ACTN1: variants seen among roughly 807,000 people sequenced by gnomAD.
The protein encoded by ACTN1 is alpha-actinin-1.
Under a neutral mutation model 119.6 loss-of-function variants are expected in ACTN1, and 30 were observed. The observed-to-expected ratio is 0.25, with a 90% confidence interval of 0.19 to 0.34. The LOEUF is 0.34. Among genes scored for constraint, ACTN1 ranks in the 10% least tolerant of loss-of-function variants. The pLI, the probability that ACTN1 is intolerant of heterozygous loss-of-function variation, is 1.00. For synonymous variants in ACTN1, 429 were observed against 472.6 expected (o/e 0.91, Z 1.20); for missense variants, 764 against 1,223.4 (o/e 0.62, Z 5.60).
chr14:68,880,748 C>T lies in ACTN1; in HGVS notation c.2133+62G>A. The T allele has an allele frequency of 6.4e-7, 1 of 1,560,008 alleles. No homozygotes were observed. On this transcript the variant is annotated intron_variant, in intron 17 of 21. Coordinates refer to ENST00000394419, the MANE Select transcript of ACTN1 (RefSeq NM_001130004.2). This position sits in a 1 kb window ranked among gnomAD's most constrained non-coding sequence, Gnocchi z 4.6. The stretch of plus-strand genomic sequence containing the variant: ...CCTGTTCCCTTGGAGACTTCCCCAC[C>T]CAGGAGAAAGAGCAGAAGGGGCCAC...
chr14:68,892,013 C>A, intron 10 of ACTN1, 40 bp downstream of exon 10: 1 of 1,605,690 alleles, frequency 6.2e-7, no homozygotes, highest in East Asian at 2.2e-5. Context: ...GAGGTGGAGG[C>A]AGTCCAGTCT....
intron 1 of ACTN1, among the ~76,000 whole-genome samples, chr14:68,963,656 G>A (rs2140628282): frequency 6.6e-6 from 1 of 152,320 alleles, no homozygotes; most frequent in Non-Finnish European, 1.5e-5. Flanking sequence ...ACCCTCCGGT[G>A]AGCACCTGCA....
chr14:68,879,805 T>C lies in ACTN1; in HGVS notation c.2280+157A>G. 1 of 1,055,658 alleles carries C rather than the reference T, an allele frequency of 9.5e-7. No homozygotes were observed. Among genetic ancestry groups the C allele is most frequent in the Non-Finnish European group, 1.3e-6 (1 of 746,536 alleles). 65.4% of individuals were successfully genotyped at this position (1,055,658 alleles called of 1,614,324 possible). A position where few individuals can be genotyped will look rare whatever the true frequency, so the allele number is the denominator to read the frequency against. On this transcript the variant is annotated intron_variant, in intron 18 of 21. Transcript: ENST00000394419. This position sits in a 1 kb window ranked among gnomAD's most constrained non-coding sequence, Gnocchi z 4.9. ...ACCAACACAGGTTTTCCAAGGCTGG[T>C]TTTGCAGGGTGCATTGAGTCAGGGC...
intron 1 of ACTN1, among the ~76,000 whole-genome samples, chr14:68,948,310 C>A (rs754786694): frequency 1.3e-5 from 2 of 152,230 alleles, no homozygotes; most frequent in African/African-American, 2.4e-5. Flanking sequence ...GTGCGGTGGG[C>A]TCACGCCTAT....
chr14:68,930,637 AG>A (rs1383828446), intron 1 of ACTN1, among the ~76,000 whole-genome samples: 3 of 152,218 alleles, frequency 2.0e-5, no homozygotes, highest in Non-Finnish European at 4.4e-5. Context: ...GTCACTCTAA[AG>A]AAGACTGCAA....
At chr14:68,956,888 T>C (rs1413635175) in intron 1 of ACTN1, among the ~76,000 whole-genome samples, 2 of 151,660 alleles carry the variant, frequency 1.3e-5, no homozygotes, top group Non-Finnish European at 2.9e-5. Flanking sequence ...ACAAAGCGGG[T>C]AGAGTGTCTA....
intron 6 of ACTN1, among the ~76,000 whole-genome samples, chr14:68,905,712 C>T (rs1197310165): frequency 6.6e-6 from 1 of 152,160 alleles, no homozygotes; most frequent in Non-Finnish European, 1.5e-5. Flanking sequence ...AGGACACAGG[C>T]CGGGTGCAGT....
intron 1 of ACTN1, among the ~76,000 whole-genome samples, chr14:68,930,856 G>A (rs2035191773): frequency 6.6e-6 from 1 of 152,126 alleles, no homozygotes. Flanking sequence ...ACCACAATTG[G>A]GGGTATAATT....
Position 68,877,243 on chromosome 14 carries a change from G to T in ACTN1, c.2428-3C>A. ...ATGCGGGCAAATTCTGCTTCTCCCTGGAGGGAACAGCCAAACCCAGGCCTG... is the reference window on the plus strand; with the variant it reads ...ATGCGGGCAAATTCTGCTTCTCCCTTGAGGGAACAGCCAAACCCAGGCCTG... On this transcript the variant is annotated splice_region_variant and splice_polypyrimidine_tract_variant and intron_variant, in intron 20 of 21. Coordinates refer to ENST00000394419, the MANE Select transcript of ACTN1 (RefSeq NM_001130004.2). 6.2e-7 allele frequency: 1 copy of T among 1,614,058 alleles called. No individual in the cohort carries two copies. Among genetic ancestry groups the T allele is most frequent in the Non-Finnish European group, 8.5e-7 (1 of 1,179,984 alleles).
At chr14:68,881,955 T>TTTTTTTTTA (rs58500225) in intron 16 of ACTN1, among the ~76,000 whole-genome samples, 19 of 102,980 alleles carry the variant, frequency 1.8e-4, no homozygotes, top group East Asian at 5.0e-4. Flanking sequence ...TTTTTTTTTT[T>TTTTTTTTTA]GACAGAGTCT....
At chr14:68,952,216 A>G (rs953546244) in intron 1 of ACTN1, among the ~76,000 whole-genome samples, 1 of 152,176 alleles carries the variant, frequency 6.6e-6, no homozygotes, top group African/African-American at 2.4e-5. Flanking sequence ...GATTGACTCA[A>G]CTTCTCAATC....
At chr14:68,921,261 T>A in intron 2 of ACTN1, 136 bp from the exon 3 acceptor site, 9 of 1,062,020 alleles carry the variant, frequency 8.5e-6, no homozygotes, top group South Asian at 1.8e-5. Context: ...GTGTGTGTGC[T>A]CACACGCTGC....
chr14:68,978,399 T>C (rs1454553597), intron 1 of ACTN1: 9 of 361,672 alleles, frequency 2.5e-5, no homozygotes, highest in South Asian at 1.8e-4. Context: ...CTGGTCCTTC[T>C]CCAGGCAGAT....
intron 9 of ACTN1, among the ~76,000 whole-genome samples, chr14:68,892,654 C>T (rs1352015508): frequency 6.6e-6 from 1 of 152,140 alleles, no homozygotes; most frequent in Non-Finnish European, 1.5e-5. Context: ...CTCATCTATA[C>T]CATGGAGGGG....
At chr14:68,904,242 A>G (rs1439965330) in intron 7 of ACTN1, among the ~76,000 whole-genome samples, 1 of 152,092 alleles carries the variant, frequency 6.6e-6, no homozygotes, top group Non-Finnish European at 1.5e-5. Flanking sequence ...GGCATAGAGG[A>G]GATGCTAAGC....
chr14:68,914,877 C>T (rs2034200888), intron 3 of ACTN1, among the ~76,000 whole-genome samples: 2 of 152,090 alleles, frequency 1.3e-5, no homozygotes, highest in Non-Finnish European at 2.9e-5. Context: ...GTTTAAAAAA[C>T]AATAATAATA....
chr14:68,931,238 G>A (rs567657608), intron 1 of ACTN1, among the ~76,000 whole-genome samples: 2 of 152,354 alleles, frequency 1.3e-5, no homozygotes, highest in South Asian at 4.1e-4. Flanking sequence ...CCAGGGGACC[G>A]CAGCCAGCAT....
intron 1 of ACTN1, among the ~76,000 whole-genome samples, chr14:68,934,631 T>C (rs190574092): frequency 4.5e-4 from 68 of 152,274 alleles, no homozygotes; most frequent in African/African-American, 1.6e-3. Context: ...ATTCTAAATA[T>C]AAAGCAAAGG....
chr14:68,978,723 C>T (rs1191375567), intron 1 of ACTN1: 1 of 359,008 alleles, frequency 2.8e-6, no homozygotes, highest in Non-Finnish European at 5.0e-6. Context: ...GCGGCGCCAC[C>T]TCCCCGCGCT....
Sources: gnomAD v4.1 joint callset for allele counts (sites outside exome capture counted in the v4.1 genomes callset) on GRCh38, gnomAD v4.1.1 for gene constraint, Gnocchi (gnomAD v3.1) non-coding constraint, MANE v1.5 for transcripts, NCBI Gene and HGNC (gene_info 2026-07-23, HGNC 2026-07-21) for gene names.